Variants in CRACDL observed in about 807,000 individuals in gnomAD.
The protein encoded by CRACDL is CRACD like.
In CRACDL, 26 loss-of-function variants were observed where a neutral mutation model predicts 70.6. The ratio of observed to expected loss-of-function variants is 0.37; its 90% confidence interval spans 0.27 to 0.51. The LOEUF (loss-of-function observed/expected upper bound fraction) is 0.51. Ranked by LOEUF, CRACDL falls within the 20% of genes least tolerant of loss-of-function variation. CRACDL has a pLI of 0.94. For missense variants in CRACDL, 1,283 were observed against 1,376.9 expected (o/e 0.93, Z 1.08); for synonymous variants, 618 against 615.2 (o/e 1.00, Z -0.07).
At chr2:98,820,131 A>C (rs1269593654) in intron 7 of CRACDL, among the ~76,000 whole-genome samples, 1 of 152,028 alleles carries the variant, frequency 6.6e-6, no homozygotes, top group Admixed American at 6.5e-5. Flanking sequence ...ACATTTTTAA[A>C]AAACAAAATT....
At chr2:98,817,352 T>C (rs961660343) in intron 7 of CRACDL, among the ~76,000 whole-genome samples, 4 of 152,186 alleles carry the variant, frequency 2.6e-5, no homozygotes, top group African/African-American at 4.8e-5. Flanking sequence ...CAATCTCATG[T>C]TATGTGTTCA....
At chr2:98,904,218 AT>A (rs1483567403) in intron 1 of CRACDL, among the ~76,000 whole-genome samples, 1 of 152,238 alleles carries the variant, frequency 6.6e-6, no homozygotes, top group African/African-American at 2.4e-5. Context: ...AGCTATTGCA[AT>A]CCCTTTCCTT....
At chr2:98,860,063 T>C (rs576343447) in intron 1 of CRACDL, among the ~76,000 whole-genome samples, 8 of 151,840 alleles carry the variant, frequency 5.3e-5, no homozygotes, top group Non-Finnish European at 8.8e-5. Flanking sequence ...TAAAATACTA[T>C]CCAAAAGAAC....
intron 1 of CRACDL, among the ~76,000 whole-genome samples, chr2:98,857,514 T>G (rs1706754564): frequency 6.6e-6 from 1 of 152,168 alleles, no homozygotes; most frequent in African/African-American, 2.4e-5. Flanking sequence ...TATATTAAGA[T>G]GTATATTATA....
chr2:98,828,366 A>C (rs754595275), intron 5 of CRACDL, among the ~76,000 whole-genome samples: 2 of 152,240 alleles, frequency 1.3e-5, no homozygotes, highest in Non-Finnish European at 2.9e-5. Context: ...TCAAGTTTCC[A>C]TTTAACTTAA....
intron 1 of CRACDL, among the ~76,000 whole-genome samples, chr2:98,904,167 C>G (rs1708350393): frequency 6.6e-6 from 1 of 152,216 alleles, no homozygotes; most frequent in Non-Finnish European, 1.5e-5. Context: ...GAACACAAAA[C>G]AGTGTGATCG....
intron 1 of CRACDL, among the ~76,000 whole-genome samples, chr2:98,895,096 G>T (rs1164788246): frequency 6.6e-6 from 1 of 152,078 alleles, no homozygotes; most frequent in Non-Finnish European, 1.5e-5. Context: ...GGGCAACAGA[G>T]GAGACCCTGT....
rs1703712655 is a variant in CRACDL at position 98,794,366 on chromosome 2, T to C, written c.*166A>G. The stretch of plus-strand genomic sequence containing the variant: ...CTGGCCCAGGAGTATGGCTGTGTGT[T>C]TATCCTCTTTGTTTTGCCTGGTTCC... On this transcript the variant is annotated 3_prime_UTR_variant, in exon 10 of 10. Coordinates refer to ENST00000397899, the MANE Select transcript of CRACDL (RefSeq NM_207362.3). 1.6e-6 allele frequency: 1 copy of C among 613,546 alleles called. No individual in the cohort carries two copies. The highest frequency in any genetic ancestry group is 1.8e-5 in the African/African-American group (1 of 54,448). The allele number at this position is 613,546 out of a possible 1,614,324, so 38.0% of individuals were successfully genotyped here. A position where few individuals can be genotyped will look rare whatever the true frequency, so the allele number is the denominator to read the frequency against.
intron 1 of CRACDL, among the ~76,000 whole-genome samples, chr2:98,875,655 A>G (rs1327573233): frequency 2.0e-5 from 3 of 152,266 alleles, no homozygotes; most frequent in African/African-American, 7.2e-5. Context: ...CACGTAAGAC[A>G]TGCAGACATA....
chr2:98,870,354 G>C (rs938181592), intron 1 of CRACDL, among the ~76,000 whole-genome samples: 23 of 152,200 alleles, frequency 1.5e-4, no homozygotes, highest in Non-Finnish European at 3.2e-4. Context: ...TACTCAAATG[G>C]CCTACAATTT....
intron 1 of CRACDL, among the ~76,000 whole-genome samples, chr2:98,903,036 A>C (rs746280989): frequency 1.3e-5 from 2 of 152,040 alleles, no homozygotes; most frequent in African/African-American, 2.4e-5. Flanking sequence ...TCCCAACTGC[A>C]CAGCAGCAGG....
intron 7 of CRACDL, among the ~76,000 whole-genome samples, chr2:98,801,300 G>A (rs1310015396): frequency 6.6e-6 from 1 of 152,228 alleles, no homozygotes; most frequent in East Asian, 1.9e-4. Context: ...GAAAAAGAGA[G>A]AGAACCCACT....
At chr2:98,903,177 C>T (rs1708325088) in intron 1 of CRACDL, among the ~76,000 whole-genome samples, 2 of 152,090 alleles carry the variant, frequency 1.3e-5, no homozygotes, top group Non-Finnish European at 2.9e-5. Context: ...CTCCGAGCCC[C>T]GGGGCTTCAC....
intron 1 of CRACDL, among the ~76,000 whole-genome samples, chr2:98,904,195 G>T (rs1395752340): frequency 6.6e-6 from 1 of 152,134 alleles, no homozygotes; most frequent in Non-Finnish European, 1.5e-5. Context: ...CACTTTCCAC[G>T]CACCCTCCAC....
intron 1 of CRACDL, among the ~76,000 whole-genome samples, chr2:98,904,887 C>T (rs1012957011): frequency 1.3e-5 from 2 of 152,172 alleles, no homozygotes; most frequent in African/African-American, 2.4e-5. Flanking sequence ...GTCGCGGGGG[C>T]GGATCCCTCC....
At chr2:98,871,484 C>T (rs1389165987) in intron 1 of CRACDL, among the ~76,000 whole-genome samples, 1 of 152,138 alleles carries the variant, frequency 6.6e-6, no homozygotes, top group Non-Finnish European at 1.5e-5. Context: ...GTGGAATGTC[C>T]GACCCTGAAA....
intron 7 of CRACDL, among the ~76,000 whole-genome samples, chr2:98,807,458 C>A (rs1415934721): frequency 6.6e-6 from 1 of 152,180 alleles, no homozygotes; most frequent in Admixed American, 6.5e-5. Context: ...CCTTCCCCAC[C>A]CTACCACAGC....
intron 1 of CRACDL, among the ~76,000 whole-genome samples, chr2:98,928,171 C>A (rs769665513): frequency 1.7e-4 from 26 of 151,142 alleles, no homozygotes; most frequent in Admixed American, 1.1e-3. Context: ...GGAGACAAAG[C>A]AAGACTCTCA....
intron 1 of CRACDL, among the ~76,000 whole-genome samples, chr2:98,856,537 G>A (rs1706703266): frequency 6.6e-6 from 1 of 152,082 alleles, no homozygotes; most frequent in Admixed American, 6.5e-5. Context: ...ATCAATAAAG[G>A]TAATTTTGTA....
Sources: gnomAD v4.1 joint callset for allele counts (sites outside exome capture counted in the v4.1 genomes callset) on GRCh38, gnomAD v4.1.1 for gene constraint, MANE v1.5 for transcripts, NCBI Gene and HGNC (gene_info 2026-07-23, HGNC 2026-07-21) for gene names.